The following PPM1E variants were observed in gnomAD, a reference collection of about 807,000 sequenced individuals.
PPM1E encodes the protein protein phosphatase, Mg2+/Mn2+ dependent 1E.
Under a neutral mutation model 65.9 loss-of-function variants are expected in PPM1E, and 20 were observed. That is an observed-to-expected ratio of 0.30 (90% CI 0.21 to 0.44). PPM1E has a LOEUF of 0.44. Among genes scored for constraint, PPM1E ranks in the 20% least tolerant of loss-of-function variants. The pLI, the probability that PPM1E is intolerant of heterozygous loss-of-function variation, is 1.00. For missense variants in PPM1E, 713 were observed against 953.1 expected (o/e 0.75, Z 3.32); for synonymous variants, 352 against 374.9 (o/e 0.94, Z 0.70).
rs1567902041 is a variant in PPM1E, at chr17:58,981,650, G to C, written c.*619G>C. On this transcript the variant is annotated 3_prime_UTR_variant, in exon 7 of 7. Transcript: ENST00000308249. ...CGGTTTATAGTCAGAAAGATTTACG[G>C]ATTTTTTTCCTGTAACATAAAAGAT... The C allele has an allele frequency of 6.6e-6, 1 of 152,564 alleles. No individual in the cohort carries two copies. Among genetic ancestry groups the C allele is most frequent in the Non-Finnish European group, 1.5e-5 (1 of 68,036 alleles). The allele number at this position is 152,564 out of a possible 1,614,324, so 9.5% of individuals were successfully genotyped here.
At chr17:58,927,676 G>A (rs948344514) in intron 1 of PPM1E, among the ~76,000 whole-genome samples, 12 of 152,132 alleles carry the variant, frequency 7.9e-5, no homozygotes, top group Admixed American at 3.3e-4. Context: ...TTGGGAAGCT[G>A]AGGCAGGTGG....
intron 1 of PPM1E, among the ~76,000 whole-genome samples, chr17:58,912,330 CAGTG>C (rs1199843023): frequency 7.9e-5 from 12 of 152,148 alleles, no homozygotes; most frequent in African/African-American, 2.9e-4. Context: ...CTATCTCTGG[CAGTG>C]AGTAAGAAAA....
intron 1 of PPM1E, among the ~76,000 whole-genome samples, chr17:58,829,230 CG>C (rs2050574293): frequency 6.6e-6 from 1 of 151,888 alleles, no homozygotes; most frequent in Non-Finnish European, 1.5e-5. Flanking sequence ...TCAGTAGAGA[CG>C]GGGTTTCTCC....
intron 1 of PPM1E, chr17:58,897,655 T>C (rs1598636880): frequency 2.6e-5 from 4 of 152,200 alleles, no homozygotes; most frequent in Admixed American, 6.5e-5. Context: ...GGCAAATACG[T>C]TGAAAACTTT....
At chr17:58,846,391 G>C (rs1282386169) in intron 1 of PPM1E, among the ~76,000 whole-genome samples, 1 of 152,030 alleles carries the variant, frequency 6.6e-6, no homozygotes, top group Non-Finnish European at 1.5e-5. Flanking sequence ...TTTAGCATTA[G>C]GTATATCTCC....
chr17:58,960,647 C>T (rs1457655716), intron 2 of PPM1E, among the ~76,000 whole-genome samples: 3 of 151,142 alleles, frequency 2.0e-5, no homozygotes, highest in Non-Finnish European at 2.9e-5. Flanking sequence ...TGGTGGTGGA[C>T]GCCTGTAATC....
At chr17:58,974,432 A>G (rs996835512) in intron 6 of PPM1E, among the ~76,000 whole-genome samples, 17 of 152,194 alleles carry the variant, frequency 1.1e-4, no homozygotes, top group Non-Finnish European at 2.9e-5. Context: ...GGGAAAGTCA[A>G]TGAAACTCGG....
chr17:58,796,983 A>C (rs1476861922), intron 1 of PPM1E, among the ~76,000 whole-genome samples: 1 of 152,106 alleles, frequency 6.6e-6, no homozygotes, highest in Admixed American at 6.6e-5. Flanking sequence ...ACGGGTGCCT[A>C]TAATCCCAGC....
At chr17:58,916,213 T>G (rs1483335778) in intron 1 of PPM1E, among the ~76,000 whole-genome samples, 1 of 152,244 alleles carries the variant, frequency 6.6e-6, no homozygotes, top group Non-Finnish European at 1.5e-5. Flanking sequence ...ACAAGTAAGC[T>G]GCTATTAGCT....
Position 58,980,386 on chromosome 17 carries a change from C to A in PPM1E, c.1623C>A (p.Gly541=), listed in dbSNP as rs1208256378. 1 of 1,614,138 alleles carries A rather than the reference C, an allele frequency of 6.2e-7. No homozygotes were observed. The highest frequency in any genetic ancestry group is 1.1e-5 in the South Asian group (1 of 91,082). The change falls in exon 7 of 7, where the codon GGC becomes GGA. Residue 541 remains glycine (G), a synonymous_variant. Coordinates refer to ENST00000308249, the MANE Select transcript of PPM1E (RefSeq NM_014906.5). The surrounding 1 kb of genome is among the most constrained non-coding windows in gnomAD (Gnocchi z 4.7). The part of the protein sequence containing the change: ...QHQCSAPADL[G]YDGRVDSFTD... Reference sequence around the variant, plus strand: ...AGTGCTCAGCACCAGCCGACCTAGGCTATGATGGGCGTGTGGATTCATTCA... The same window carrying A: ...AGTGCTCAGCACCAGCCGACCTAGGATATGATGGGCGTGTGGATTCATTCA...
chr17:58,906,618 A>G (rs569778310), intron 1 of PPM1E, among the ~76,000 whole-genome samples: 88 of 152,148 alleles, frequency 5.8e-4, no homozygotes, highest in Non-Finnish European at 1.0e-3. Flanking sequence ...GATTACAGGT[A>G]TGAGCCACTG....
intron 1 of PPM1E, among the ~76,000 whole-genome samples, chr17:58,865,611 G>T (rs965703396): frequency 1.3e-5 from 2 of 152,082 alleles, no homozygotes; most frequent in Non-Finnish European, 2.9e-5. Flanking sequence ...GAGGCAGGAG[G>T]ATTGCTTAAG....
intron 1 of PPM1E, among the ~76,000 whole-genome samples, chr17:58,787,015 G>T (rs1361346445): frequency 6.6e-6 from 1 of 152,174 alleles, no homozygotes; most frequent in Non-Finnish European, 1.5e-5. Flanking sequence ...CTGAAGTAGA[G>T]GGTGTTAAAT....
At chr17:58,972,569 T>G (rs1187920253) in intron 5 of PPM1E, among the ~76,000 whole-genome samples, 1 of 152,208 alleles carries the variant, frequency 6.6e-6, no homozygotes, top group Admixed American at 6.5e-5. Flanking sequence ...CAGGCTGGTC[T>G]TGAACTCCTG....
intron 5 of PPM1E, among the ~76,000 whole-genome samples, chr17:58,972,567 TCTTGAA>T (rs1426845516): frequency 6.6e-6 from 1 of 152,130 alleles, no homozygotes; most frequent in Non-Finnish European, 1.5e-5. Context: ...GCCAGGCTGG[TCTTGAA>T]CTCCTGACTT....
chr17:58,918,014 T>G (rs1181354127), intron 1 of PPM1E, among the ~76,000 whole-genome samples: 1 of 152,228 alleles, frequency 6.6e-6, no homozygotes, highest in East Asian at 1.9e-4. Flanking sequence ...GTATTAAAAG[T>G]CAGGCTGAGA....
intron 1 of PPM1E, among the ~76,000 whole-genome samples, chr17:58,941,941 G>T (rs1250110039): frequency 1.3e-5 from 2 of 150,320 alleles, no homozygotes; most frequent in Non-Finnish European, 2.9e-5. Flanking sequence ...GGAGGTGGAG[G>T]TTGCAGTGAG....
chr17:58,840,870 T>C lies in PPM1E; in HGVS notation c.464+84409T>C, dbSNP rs115582628. On this transcript the variant is annotated intron_variant, in intron 1 of 6. Transcript: ENST00000308249. The stretch of plus-strand genomic sequence containing the variant: ...AGCTGTGAGTTAATAATTGTAATAA[T>C]AAGTAAGTGTATTAGAGAGAAAGTA... Among the ~76,000 whole-genome samples the C allele has an allele frequency of 1.9e-3, 283 of 152,300 alleles. 1 individual carries two copies. Among genetic ancestry groups the C allele is most frequent in the African/African-American group, 6.7e-3 (277 of 41,548 alleles).
chr17:58,969,599 A>C lies in PPM1E; in HGVS notation c.844A>C (p.Ile282Leu), dbSNP rs1488104900. The C allele has an allele frequency of 6.2e-7, 1 of 1,614,108 alleles. No homozygotes were observed. Reference protein sequence around the residue: ...FDGHGGVDAAIYASIHLHVNL... With the variant: ...FDGHGGVDAALYASIHLHVNL... ...TGGCCATGGGGGAGTAGATGCTGCTATTTATGCCTCCATTCACCTCCACGT... is the reference window on the plus strand; with the variant it reads ...TGGCCATGGGGGAGTAGATGCTGCTCTTTATGCCTCCATTCACCTCCACGT... Residue 282 changes from isoleucine to leucine, a missense_variant, in exon 4 of 7, where the codon ATT (isoleucine) becomes CTT (leucine). Ile to Leu is a conservative substitution (Grantham distance 5). Coordinates refer to ENST00000308249, the MANE Select transcript of PPM1E (RefSeq NM_014906.5).
Sources: gnomAD v4.1 joint callset for allele counts (sites outside exome capture counted in the v4.1 genomes callset) on GRCh38, gnomAD v4.1.1 for gene constraint, Gnocchi (gnomAD v3.1) non-coding constraint, MANE v1.5 for transcripts, NCBI Gene and HGNC (gene_info 2026-07-23, HGNC 2026-07-21) for gene names.